The following MKRN1 variants were observed in gnomAD, a reference collection of about 807,000 sequenced individuals.
MKRN1 encodes E3 ubiquitin-protein ligase makorin-1.
A neutral mutation model predicts 55.5 loss-of-function variants in MKRN1; 9 were observed. The observed-to-expected ratio is 0.16, with a 90% CI of 0.10 to 0.28. MKRN1 has a LOEUF of 0.28. Ranked by LOEUF, MKRN1 falls within the 10% of genes least tolerant of loss-of-function variation. The probability of loss-of-function intolerance (pLI) is 1.00; values close to 1 mark genes in which losing one functional copy is unlikely to be tolerated. For missense variants in MKRN1, 488 were observed against 626.7 expected (o/e 0.78, Z 2.36); for synonymous variants, 253 against 235.9 (o/e 1.07, Z -0.66).
chr7:140,456,913 T>G (rs1311382048), intron 4 of MKRN1, 47 bp from the exon 5 acceptor site: 1 of 1,549,934 alleles, frequency 6.5e-7, no homozygotes, highest in East Asian at 2.3e-5. Flanking sequence ...CATTGAACCC[T>G]GAAAAACTTG....
At chr7:140,455,769 A>G (rs1050970502) in intron 6 of MKRN1, 21 bp downstream of exon 6, 11 of 1,577,778 alleles carry the variant, frequency 7.0e-6, no homozygotes, top group Non-Finnish European at 9.6e-6. Flanking sequence ...TTCGCTTGAG[A>G]AAAGGCTGCA....
In MKRN1 at chr7:140,471,942, C is replaced by T. The variant is rs11556754; in HGVS notation, c.255G>A (p.Pro85=). The T allele has an allele frequency of 8.1e-6, 13 of 1,613,952 alleles. No homozygotes were observed. Among genetic ancestry groups the T allele is most frequent in the Non-Finnish European group, 9.3e-6 (11 of 1,180,004 alleles). ...CRYSHDLSDS[P]YSVVCKYFQR... ...GAAAATACTTGCACACTACACTATA[C>T]GGACTGTCAGAGAGGTCATGCGAGT... The change falls in exon 2 of 8, where the codon CCG becomes CCA. Residue 85 remains proline (P), a synonymous_variant. Transcript: ENST00000255977.
chr7:140,461,723 C>G (rs998978999), intron 2 of MKRN1, among the ~76,000 whole-genome samples: 2 of 152,116 alleles, frequency 1.3e-5, no homozygotes, highest in Admixed American at 6.5e-5. Flanking sequence ...GTGGCTCAGG[C>G]CTGTAATCCC....
chr7:140,475,672 C>A (rs10278060), intron 1 of MKRN1, among the ~76,000 whole-genome samples: 40,751 of 151,928 alleles, frequency 0.27, 9,440 homozygotes, highest in African/African-American at 0.64. Flanking sequence ...TCAAAAAATA[C>A]AAATAAATAC....
chr7:140,471,851 A>C, intron 2 of MKRN1, 32 bp downstream of exon 2: 1 of 1,606,332 alleles, frequency 6.2e-7, no homozygotes, highest in East Asian at 2.2e-5. Flanking sequence ...CCTCCAACCC[A>C]CCCCTGAACA....
intron 1 of MKRN1, among the ~76,000 whole-genome samples, chr7:140,472,697 G>A (rs1352663206): frequency 6.6e-6 from 1 of 151,090 alleles, no homozygotes; most frequent in Non-Finnish European, 1.5e-5. Flanking sequence ...CCTTGTTTTT[G>A]CATTGTTACA....
At chr7:140,455,975 G>A (rs1794454551) in intron 5 of MKRN1, 75 bp from the exon 6 acceptor site, 3 of 1,325,846 alleles carry the variant, frequency 2.3e-6, no homozygotes, top group Non-Finnish European at 2.2e-6. Context: ...ACCCTGGTGT[G>A]TCGCCTCCAG....
chr7:140,457,254 C>A (rs1378594976), intron 4 of MKRN1, among the ~76,000 whole-genome samples: 1 of 152,114 alleles, frequency 6.6e-6, no homozygotes, highest in Non-Finnish European at 1.5e-5. Flanking sequence ...GGGTGACAGG[C>A]ACGTAAACTC....
Position 140,475,741 on chromosome 7 carries a change from G to A in MKRN1, c.185+3419C>T, listed in dbSNP as rs968584859. Among the ~76,000 whole-genome samples, 3 of 151,980 alleles carry A rather than the reference G, an allele frequency of 2.0e-5. No individual in the cohort carries two copies. The South Asian group carries it at 6.2e-4, about 31-fold the overall frequency. Reference sequence around the variant, plus strand: ...TTAAAAATTAAACACTTGTTTTTTTGTGTATTATTTCAACTACCAGAACAC... The same window carrying A: ...TTAAAAATTAAACACTTGTTTTTTTATGTATTATTTCAACTACCAGAACAC... On this transcript the variant is annotated intron_variant, in intron 1 of 7. Transcript: ENST00000255977.
chr7:140,459,616 G>A lies in MKRN1; in HGVS notation c.544+91C>T, dbSNP rs1324045861. 5 of 1,251,410 alleles carry A rather than the reference G, an allele frequency of 4.0e-6. No homozygotes were observed. The African/African-American group carries it at 7.5e-5, about 19-fold the overall frequency. The allele number at this position is 1,251,410 out of a possible 1,614,324, so 77.5% of individuals were successfully genotyped here. On this transcript the variant is annotated intron_variant, in intron 3 of 7. Transcript: ENST00000255977. Reference sequence around the variant, plus strand: ...CTAAGATTAAACTAAAAAAGGAATAGAAGCAGAAAGGGGAAAGTTGTCAAA... The same window carrying A: ...CTAAGATTAAACTAAAAAAGGAATAAAAGCAGAAAGGGGAAAGTTGTCAAA...
Position 140,456,399 on chromosome 7 carries a change from T to TA in MKRN1, c.986+252dup, listed in dbSNP as rs1794466767. On this transcript the variant is annotated intron_variant, in intron 5 of 7. Transcript: ENST00000255977. ...GAGCCTAAACTGGCTAATAATCCAT[T>TA]AAACACAATCTCCTCAGAAAAAGCA... is the stretch of plus-strand genomic sequence containing the variant. 3 of 1,335,574 alleles carry TA rather than the reference T, an allele frequency of 2.2e-6. No homozygotes were observed. In the African/African-American group the frequency reaches 4.4e-5, roughly 20 times the overall value. 82.7% of individuals were successfully genotyped at this position (1,335,574 alleles called of 1,614,324 possible).
Position 140,459,862 on chromosome 7 carries a change from G to A in MKRN1, c.389C>T (p.Ala130Val). The change falls in exon 3 of 8, where the codon GCT becomes GTT. Residue 130 changes from alanine to valine, a missense_variant. By Grantham distance (64) the Ala-to-Val change is moderately conservative (BLOSUM62 0). Around this residue, in one of 2 missense-constraint regions of MKRN1, gnomAD observed 210 missense variants for 220.0 expected, o/e 0.95. Transcript: ENST00000255977. ...TELTTKSSLA[A>V]SSSLSSIVGP... ...AACTATCGATGAGAGACTTGAGGAA[G>A]CAGCAAGGGATGACTTTGTAGTTAG... 6.2e-7 allele frequency: 1 copy of A among 1,613,986 alleles called. No individual in the cohort carries two copies. The highest frequency in any genetic ancestry group is 8.5e-7 in the Non-Finnish European group (1 of 1,179,880).
intron 2 of MKRN1, among the ~76,000 whole-genome samples, chr7:140,461,710 G>C: frequency 6.6e-6 from 1 of 152,258 alleles, no homozygotes; most frequent in Non-Finnish European, 1.5e-5. Flanking sequence ...CCTGCTGGAC[G>C]TGGTGGCTCA....
chr7:140,459,136 G>A lies in MKRN1; in HGVS notation c.642C>T (p.Cys214=), dbSNP rs1249904011. ...GGCACTCTCCCACTGCAGCATAGGGGCACAGCTGCTTCTTTGTCTCCACGG... is the reference window on the plus strand; with the variant it reads ...GGCACTCTCCCACTGCAGCATAGGGACACAGCTGCTTCTTTGTCTCCACGG... ...QTAVETKKQL[C]PYAAVGECRY... is the part of the protein sequence containing the mutation. Residue 214 remains cysteine (C), a synonymous_variant, in exon 4 of 8, where the codon TGC becomes TGT. Coordinates refer to ENST00000255977, the MANE Select transcript of MKRN1 (RefSeq NM_013446.4). 1 of 1,613,928 alleles carries A rather than the reference G, an allele frequency of 6.2e-7. No homozygotes were observed.
At position 140,458,831 on chromosome 7, in the gene MKRN1, A is replaced by G. The variant is rs546240478; in HGVS notation, c.771+176T>C. On this transcript the variant is annotated intron_variant, in intron 4 of 7. Coordinates refer to ENST00000255977, the MANE Select transcript of MKRN1 (RefSeq NM_013446.4). ...CCTCCATGCCCAGTTAATTTTGTTC[A>G]CTGGAAATATGACTTCTTGATAAAG... Among the ~76,000 whole-genome samples the G allele has an allele frequency of 2.6e-5, 4 of 152,236 alleles. No homozygotes were observed. In the South Asian group the frequency reaches 8.3e-4, roughly 31 times the overall value.
rs376108886 is a variant in MKRN1, at chr7:140,455,158, C to T, written c.1173G>A (p.Ala391=). 43 of 1,613,924 alleles carry T rather than the reference C, an allele frequency of 2.7e-5. No homozygotes were observed. Among genetic ancestry groups the T allele is most frequent in the Middle Eastern group, 1.6e-4 (1 of 6,084 alleles). The change falls in exon 7 of 8, where the codon GCG becomes GCA. Residue 391 remains alanine, a synonymous_variant. Transcript: ENST00000255977. ...PFGGNCFYKH[A]YPDGRREEPQ... ...GCTCCTCTCTACGGCCATCAGGGTACGCATGCTTGTAAAAACAGTTCCCTC... is the reference window on the plus strand; with the variant it reads ...GCTCCTCTCTACGGCCATCAGGGTATGCATGCTTGTAAAAACAGTTCCCTC...
intron 5 of MKRN1, chr7:140,456,167 G>C: frequency 8.5e-7 from 1 of 1,170,830 alleles, no homozygotes; most frequent in Admixed American, 4.1e-5. Context: ...AACAAAAGAA[G>C]ACATTTCACA....
At chr7:140,472,990 A>G (rs1794979658) in intron 1 of MKRN1, among the ~76,000 whole-genome samples, 2 of 151,342 alleles carry the variant, frequency 1.3e-5, no homozygotes, top group South Asian at 4.2e-4. Flanking sequence ...GGTGGCAGGC[A>G]CCTGTAATCC....
At position 140,479,135 on chromosome 7, in the gene MKRN1, G is replaced by A. The variant is rs2130386079; in HGVS notation, c.185+25C>T. The A allele has an allele frequency of 3.9e-6, 5 of 1,297,164 alleles. No homozygotes were observed. In the South Asian group the frequency reaches 9.7e-5, roughly 25 times the overall value. The allele number at this position is 1,297,164 out of a possible 1,614,324, so 80.4% of individuals were successfully genotyped here. A position where few individuals can be genotyped will look rare whatever the true frequency, so the allele number is the denominator to read the frequency against. On this transcript the variant is annotated intron_variant, in intron 1 of 7. Transcript: ENST00000255977. ...GGCCCGCGGCCCCCTCCCCGCGCCC[G>A]GCGCTCCGCCGCGCAACGTCCTACC...
Sources: allele counts gnomAD v4.1 joint callset (sites outside exome capture counted in the v4.1 genomes callset), GRCh38; gene constraint gnomAD v4.1.1; regional missense constraint gnomAD v4.1.1; transcripts MANE v1.5; gene names NCBI Gene and HGNC (gene_info 2026-07-23, HGNC 2026-07-21).